Variants in TEAD3 observed in about 807,000 individuals in gnomAD.
TEAD3 encodes TEA domain transcription factor 3.
Under a neutral mutation model 55.6 loss-of-function variants are expected in TEAD3, and 15 were observed. The observed-to-expected ratio is 0.27, with a 90% CI of 0.18 to 0.42. TEAD3 has a LOEUF of 0.42. Among genes scored for constraint, TEAD3 ranks in the 10% least tolerant of loss-of-function variants. The pLI is 1.00. For missense variants in TEAD3, 407 were observed against 576.8 expected (o/e 0.71, Z 3.01); for synonymous variants, 210 against 232.2 (o/e 0.90, Z 0.87).
At chr6:35,487,186 G>C (rs1028040063) in intron 1 of TEAD3, among the ~76,000 whole-genome samples, 13 of 152,186 alleles carry the variant, frequency 8.5e-5, no homozygotes, top group Admixed American at 3.3e-4. Flanking sequence ...TTGGGAGGCC[G>C]AGGTGGGTGG....
chr6:35,476,150 G>A (rs1471319037), intron 9 of TEAD3, 58 bp from the exon 10 acceptor site: 27 of 1,528,374 alleles, frequency 1.8e-5, no homozygotes, highest in Non-Finnish European at 2.3e-5. Flanking sequence ...GCCCGGGGGC[G>A]GGGAAGGGAG....
Position 35,488,035 on chromosome 6 carries a change from G to C in TEAD3, c.-49-1324C>G, listed in dbSNP as rs1454291264. ...CCCTCAGGGGACAAGGAGAGTCCCT[G>C]ACCCAGAAGGGCACCATTTTATCTT... On this transcript the variant is annotated intron_variant, in intron 1 of 12. Coordinates refer to ENST00000639578, the Ensembl canonical transcript of TEAD3. This position sits in a 1 kb window ranked among gnomAD's most constrained non-coding sequence, Gnocchi z 4.2. Among the ~76,000 whole-genome samples, 1 of 151,038 alleles carries C rather than the reference G, an allele frequency of 6.6e-6. No homozygotes were observed. Among genetic ancestry groups the C allele is most frequent in the Non-Finnish European group, 1.5e-5 (1 of 68,000 alleles).
intron 5 of TEAD3, 111 bp from the exon 6 acceptor site, chr6:35,478,682 T>G: frequency 7.3e-7 from 1 of 1,368,674 alleles, no homozygotes; most frequent in South Asian, 1.5e-5. Context: ...TGGCAGGTGT[T>G]CCTGAAGATC....
At chr6:35,481,563 C>T (rs926800951) in intron 3 of TEAD3, among the ~76,000 whole-genome samples, 3 of 152,242 alleles carry the variant, frequency 2.0e-5, no homozygotes, top group African/African-American at 7.2e-5. Context: ...GTGACAGTAA[C>T]TGGCGTTTAC....
intron 3 of TEAD3, among the ~76,000 whole-genome samples, chr6:35,480,711 T>G (rs1025910597): frequency 6.6e-6 from 1 of 152,160 alleles, no homozygotes; most frequent in African/African-American, 2.4e-5. Flanking sequence ...AGGGCCACCA[T>G]GTACAGCTGC....
intron 5 of TEAD3, 132 bp from the exon 6 acceptor site, chr6:35,478,703 T>G: frequency 8.2e-7 from 1 of 1,219,728 alleles, no homozygotes; most frequent in Non-Finnish European, 1.1e-6. Context: ...CAGGCCTGGA[T>G]TCCAGCCCCA....
At position 35,484,528 on chromosome 6, in the gene TEAD3, G is replaced by C; in HGVS notation, c.267+32C>G. 6.3e-7 allele frequency: 1 copy of C among 1,581,052 alleles called. No individual in the cohort carries two copies. Among genetic ancestry groups the C allele is most frequent in the Non-Finnish European group, 8.6e-7 (1 of 1,161,890 alleles). ...CGGGGCAGCTGAGACAGAGTGTGTGGGTGGCAGGCCCAGCATAAACCGTCT... is the reference window on the plus strand; with the variant it reads ...CGGGGCAGCTGAGACAGAGTGTGTGCGTGGCAGGCCCAGCATAAACCGTCT... On this transcript the variant is annotated intron_variant, in intron 3 of 12. Transcript: ENST00000639578. This position sits in a 1 kb window ranked among gnomAD's most constrained non-coding sequence, Gnocchi z 5.8.
At chr6:35,478,877 C>CTTTTTTTT (rs67071124) in intron 5 of TEAD3, among the ~76,000 whole-genome samples, 1 of 106,756 alleles carries the variant, frequency 9.4e-6, no homozygotes, top group African/African-American at 3.6e-5. Context: ...CTCCTATTTT[C>CTTTTTTTT]TTTTTTTTTT....
chr6:35,476,483 T>C, intron 8 of TEAD3, 48 bp from the exon 9 acceptor site: 1 of 1,600,598 alleles, frequency 6.2e-7, no homozygotes, highest in Non-Finnish European at 8.5e-7. Flanking sequence ...ATGCAGGTGC[T>C]TACTGACAAA....
At position 35,496,096 on chromosome 6, in the gene TEAD3, C is replaced by G. The variant is rs1350720912; in HGVS notation, c.-50+802G>C. Among the ~76,000 whole-genome samples, 2 of 152,104 alleles carry G rather than the reference C, an allele frequency of 1.3e-5. No individual in the cohort carries two copies. Among genetic ancestry groups the G allele is most frequent in the Admixed American group, 1.3e-4 (2 of 15,280 alleles). On this transcript the variant is annotated intron_variant, in intron 1 of 12. Coordinates refer to ENST00000639578, the Ensembl canonical transcript of TEAD3. This position sits in a 1 kb window ranked among gnomAD's most constrained non-coding sequence, Gnocchi z 4.8. ...GCGCTCCCAGCCCTCCCTCCCCTAG[C>G]AGGAATAAAGGGCATGACAGACAAT...
chr6:35,495,426 G>T (rs962964036), intron 1 of TEAD3, among the ~76,000 whole-genome samples: 1 of 152,154 alleles, frequency 6.6e-6, no homozygotes, highest in Non-Finnish European at 1.5e-5. Context: ...CCTCCCTGGG[G>T]GGGTAGGGGA....
chr6:35,484,468 C>T lies in TEAD3; in HGVS notation c.267+92G>A, dbSNP rs1281056427. On this transcript the variant is annotated intron_variant, in intron 3 of 12. Transcript: ENST00000639578. The surrounding 1 kb of genome is among the most constrained non-coding windows in gnomAD (Gnocchi z 5.8). ...TGGCAGTCCAGGTCAGGGGCAGCCT[C>T]GAGGAGGTGGGCAGGGTAGGGGCAA... The T allele has an allele frequency of 5.4e-6, 7 of 1,294,718 alleles. No individual in the cohort carries two copies. Among genetic ancestry groups the T allele is most frequent in the East Asian group, 2.5e-5 (1 of 39,756 alleles). The allele number at this position is 1,294,718 out of a possible 1,614,324, so 80.2% of individuals were successfully genotyped here.
chr6:35,490,179 C>T (rs1768478945), intron 1 of TEAD3, among the ~76,000 whole-genome samples: 1 of 152,206 alleles, frequency 6.6e-6, no homozygotes, highest in South Asian at 2.1e-4. Flanking sequence ...TCCCCTCAAG[C>T]AGGCTGTGGC....
At chr6:35,490,700 A>T (rs1350758670) in intron 1 of TEAD3, among the ~76,000 whole-genome samples, 19 of 152,160 alleles carry the variant, frequency 1.2e-4, no homozygotes, top group Non-Finnish European at 2.9e-5. Flanking sequence ...GTTCTCCTAG[A>T]GACCAGCATG....
intron 4 of TEAD3, among the ~76,000 whole-genome samples, chr6:35,479,553 T>C (rs1768225702): frequency 6.6e-6 from 1 of 152,230 alleles, no homozygotes; most frequent in Non-Finnish European, 1.5e-5. Flanking sequence ...TCTGTCCATA[T>C]GTTCTGGAAC....
chr6:35,486,546 G>C lies in TEAD3; in HGVS notation c.117C>G (p.Ile39Met). ...CCAGGGCCTCCTGGAAGCTCTGCTCGATGTCCGGGCTCCACACGCCCTCCG... is the reference window on the plus strand; with the variant it reads ...CCAGGGCCTCCTGGAAGCTCTGCTCCATGTCCGGGCTCCACACGCCCTCCG... The change falls in exon 2 of 13, where the codon ATC (isoleucine) becomes ATG (methionine). Residue 39 changes from isoleucine (I) to methionine (M), a missense_variant. Transcript: ENST00000639578. The surrounding 1 kb of genome is among the most constrained non-coding windows in gnomAD (Gnocchi z 7.3). The C allele has an allele frequency of 1.2e-6, 2 of 1,613,650 alleles. No individual in the cohort carries two copies. Among genetic ancestry groups the C allele is most frequent in the Non-Finnish European group, 1.7e-6 (2 of 1,179,802 alleles).
chr6:35,480,055 C>T (rs969468486), intron 4 of TEAD3: 6 of 1,509,696 alleles, frequency 4.0e-6, no homozygotes, highest in Non-Finnish European at 4.5e-6. Context: ...GCAGGGGCCC[C>T]GTACCTTCAG....
intron 1 of TEAD3, among the ~76,000 whole-genome samples, chr6:35,489,270 T>C (rs905379836): frequency 6.6e-6 from 1 of 152,154 alleles, no homozygotes; most frequent in Non-Finnish European, 1.5e-5. Flanking sequence ...AGTTTATAGA[T>C]GAGGAACCCA....
chr6:35,482,654 G>A (rs576033822), intron 3 of TEAD3, among the ~76,000 whole-genome samples: 135 of 152,254 alleles, frequency 8.9e-4, no homozygotes, highest in South Asian at 3.5e-3. Flanking sequence ...GCTCGTGCCC[G>A]TAATCCTAGC....
Sources: allele counts gnomAD v4.1 joint callset (sites outside exome capture counted in the v4.1 genomes callset), GRCh38; gene constraint gnomAD v4.1.1; non-coding constraint Gnocchi (gnomAD v3.1); transcripts MANE v1.5; gene names NCBI Gene and HGNC (gene_info 2026-07-23, HGNC 2026-07-21).